PPP4R3B: variants seen among roughly 807,000 people sequenced by gnomAD.
The protein encoded by PPP4R3B is serine/threonine-protein phosphatase 4 regulatory subunit 3B.
Under a neutral mutation model 95.4 loss-of-function variants are expected in PPP4R3B, and 52 were observed. The ratio of observed to expected loss-of-function variants is 0.54; its 90% CI spans 0.44 to 0.69. PPP4R3B has a LOEUF of 0.69. Among genes scored for constraint, PPP4R3B ranks in the 30% least tolerant of loss-of-function variants. The probability of loss-of-function intolerance (pLI) is 0.00; values close to 1 mark genes in which losing one functional copy is unlikely to be tolerated. For missense variants in PPP4R3B, 1,003 were observed against 1,005.9 expected (o/e 1.00, Z 0.04); for synonymous variants, 407 against 343.9 (o/e 1.18, Z -2.03).
intron 2 of PPP4R3B, among the ~76,000 whole-genome samples, chr2:55,605,169 T>C (rs1693212454): frequency 1.3e-5 from 2 of 152,120 alleles, no homozygotes. Context: ...AAAAACACTA[T>C]GCAATACTAA....
At chr2:55,588,346 T>C (rs899852805) in intron 5 of PPP4R3B, among the ~76,000 whole-genome samples, 2 of 151,844 alleles carry the variant, frequency 1.3e-5, no homozygotes, top group African/African-American at 4.8e-5. Flanking sequence ...AAATCCTGTC[T>C]CTACTAAAAA....
intron 11 of PPP4R3B, among the ~76,000 whole-genome samples, chr2:55,576,934 C>T (rs1688763649): frequency 6.6e-6 from 1 of 152,146 alleles, no homozygotes; most frequent in African/African-American, 2.4e-5. Flanking sequence ...ACCTACTATG[C>T]CTATTCTAAG....
intron 16 of PPP4R3B, among the ~76,000 whole-genome samples, chr2:55,555,248 C>CCAGCCTGGGCAACAGAA (rs969892475): frequency 7.1e-6 from 1 of 140,992 alleles, no homozygotes; most frequent in Non-Finnish European, 1.5e-5. Flanking sequence ...CCACCGCACT[C>CCAGCCTGGGCAACAGAA]CAGCCTGGGC....
intron 16 of PPP4R3B, among the ~76,000 whole-genome samples, chr2:55,551,568 T>A (rs1027174187): frequency 6.6e-6 from 1 of 151,986 alleles, no homozygotes; most frequent in Non-Finnish European, 1.5e-5. Flanking sequence ...CTGACCAACA[T>A]GGTGAAACCC....
intron 12 of PPP4R3B, 47 bp downstream of exon 12, chr2:55,573,571 GT>G (rs1207878783): frequency 6.7e-7 from 1 of 1,490,464 alleles, no homozygotes; most frequent in East Asian, 2.5e-5. Flanking sequence ...GGTAACTTCA[GT>G]TTTATCTCTA....
chr2:55,605,165 A>C (rs1440956061), intron 2 of PPP4R3B, among the ~76,000 whole-genome samples: 1 of 152,178 alleles, frequency 6.6e-6, no homozygotes, highest in Non-Finnish European at 1.5e-5. Context: ...CACTAAAAAC[A>C]CTATGCAATA....
chr2:55,576,423 T>G (rs1688670492), intron 11 of PPP4R3B, among the ~76,000 whole-genome samples: 2 of 149,182 alleles, frequency 1.3e-5, no homozygotes, highest in Non-Finnish European at 3.0e-5. Context: ...TGACCCTCAA[T>G]GCTGTATGTG....
chr2:55,604,968 T>C (rs144544295), intron 2 of PPP4R3B, among the ~76,000 whole-genome samples: 2 of 152,104 alleles, frequency 1.3e-5, no homozygotes, highest in East Asian at 3.9e-4. Flanking sequence ...GCCTCCCAAG[T>C]AGCTGGGACT....
At position 55,598,536 on chromosome 2, in the gene PPP4R3B, G is replaced by T. The variant is rs1415658710; in HGVS notation, c.801C>A (p.Tyr267Ter). The change falls in exon 4 of 17, where the codon TAC (tyrosine) becomes TAA (stop). Residue 267 changes from tyrosine (Y) to a stop codon, truncating the protein, a stop_gained. Transcript: ENST00000616407. LOFTEE classifies it high-confidence loss of function. ...SELRQKIHQT[Y>*]RVQYIQDIIL... is the part of the protein sequence containing the mutation. ...TGATGTCCTGAATGTACTGTACCCT[G>T]TAAGTCTGATGTATTTTTTGCCTTA... The T allele has an allele frequency of 6.2e-7, 1 of 1,614,048 alleles. No homozygotes were observed. The highest frequency in any genetic ancestry group is 8.5e-7 in the Non-Finnish European group (1 of 1,180,046).
intron 16 of PPP4R3B, among the ~76,000 whole-genome samples, chr2:55,551,263 A>G (rs1685212920): frequency 6.6e-6 from 1 of 152,138 alleles, no homozygotes; most frequent in Non-Finnish European, 1.5e-5. Flanking sequence ...CTGAGGGACG[A>G]GCATCTCTTG....
At chr2:55,579,484 T>C (rs534981273) in intron 9 of PPP4R3B, among the ~76,000 whole-genome samples, 195 bp downstream of exon 9, 51 of 147,644 alleles carry the variant, frequency 3.5e-4, no homozygotes, top group Non-Finnish European at 4.7e-4. Flanking sequence ...CCCGAAAGAA[T>C]AGTCTTGCCA....
At chr2:55,574,177 G>GC (rs1688357846) in intron 11 of PPP4R3B, among the ~76,000 whole-genome samples, 2 of 151,614 alleles carry the variant, frequency 1.3e-5, no homozygotes, top group Admixed American at 1.3e-4. Flanking sequence ...ACAAGTGTAA[G>GC]CCCCTGCACC....
rs537764138 is a variant in PPP4R3B, at chr2:55,575,655, CT to C, written c.1606+1659del. Among the ~76,000 whole-genome samples the C allele has an allele frequency of 3.0e-3, 449 of 151,998 alleles. 3 individuals are homozygous for C. Among genetic ancestry groups the C allele is most frequent in the African/African-American group, 9.9e-3 (412 of 41,460 alleles). On this transcript the variant is annotated intron_variant, in intron 11 of 16. Transcript: ENST00000616407. ...GTCTCACTATGTTGCCCAGGCTGGT[CT>C]CTAACTCCTGGGCTCAACCAATCCT...
intron 12 of PPP4R3B, 36 bp from the exon 13 acceptor site, chr2:55,568,399 C>A: frequency 6.6e-7 from 1 of 1,504,010 alleles, no homozygotes; most frequent in Non-Finnish European, 8.9e-7. Context: ...AGTTAATGAT[C>A]TTACTAAAAT....
chr2:55,593,948 G>T (rs1000159911), intron 4 of PPP4R3B, among the ~76,000 whole-genome samples: 26 of 152,052 alleles, frequency 1.7e-4, no homozygotes, highest in African/African-American at 6.3e-4. Context: ...AAAGAAAATG[G>T]GGTGTATATA....
chr2:55,574,134 G>A (rs1558976873), intron 11 of PPP4R3B, among the ~76,000 whole-genome samples: 1 of 151,320 alleles, frequency 6.6e-6, no homozygotes, highest in Non-Finnish European at 1.5e-5. Flanking sequence ...CTCAAGCGAT[G>A]CTCTCACCTG....
chr2:55,556,629 A>AT (rs903789834), intron 16 of PPP4R3B, among the ~76,000 whole-genome samples: 7 of 143,482 alleles, frequency 4.9e-5, no homozygotes, highest in African/African-American at 2.0e-4. Flanking sequence ...TATTACTTTG[A>AT]TTTAAAAAAA....
intron 12 of PPP4R3B, among the ~76,000 whole-genome samples, chr2:55,572,099 C>T (rs1441825201): frequency 2.0e-5 from 3 of 152,178 alleles, no homozygotes; most frequent in Non-Finnish European, 4.4e-5. Flanking sequence ...ACACTCATTT[C>T]AAACACTCTC....
rs1351062500 is a variant in PPP4R3B, at chr2:55,617,485, C to A, written c.-200G>T. On this transcript the variant is annotated 5_prime_UTR_variant, in exon 1 of 17. Coordinates refer to ENST00000616407, the MANE Select transcript of PPP4R3B (RefSeq NM_001122964.3). ...ACTGAGGCCTCTCCGCCCGGAGGCC[C>A]CGTTACCTCTCACTTCACCCGCGCA... 1 of 519,834 alleles carries A rather than the reference C, an allele frequency of 1.9e-6. No homozygotes were observed. Among genetic ancestry groups the A allele is most frequent in the Non-Finnish European group, 3.2e-6 (1 of 312,210 alleles). 32.2% of individuals were successfully genotyped at this position (519,834 alleles called of 1,614,324 possible).
Sources: gnomAD v4.1 joint callset for allele counts (sites outside exome capture counted in the v4.1 genomes callset) on GRCh38, gnomAD v4.1.1 for gene constraint, MANE v1.5 for transcripts, NCBI Gene and HGNC (gene_info 2026-07-23, HGNC 2026-07-21) for gene names.